The following PTPRD variants were observed in gnomAD, a reference collection of about 807,000 sequenced individuals.
PTPRD encodes the protein protein tyrosine phosphatase receptor type D.
Under a neutral mutation model 214.5 loss-of-function variants are expected in PTPRD, and 34 were observed. That is an observed-to-expected ratio of 0.16 (90% confidence interval 0.12 to 0.21). The LOEUF (loss-of-function observed/expected upper bound fraction) is 0.21, where lower values mean the gene tolerates loss of function less well. Among genes scored for constraint, PTPRD ranks in the 10% least tolerant of loss-of-function variants. The probability of loss-of-function intolerance (pLI) is 1.00; values close to 1 mark genes in which losing one functional copy is unlikely to be tolerated. For missense variants in PTPRD, 2,545 were observed against 2,398.7 expected (o/e 1.06, Z -1.27); for synonymous variants, 1,128 against 845.7 (o/e 1.33, Z -5.79).
At chr9:10,122,349 G>A (rs1290127191) in intron 3 of PTPRD, among the ~76,000 whole-genome samples, 1 of 151,992 alleles carries the variant, frequency 6.6e-6, no homozygotes, top group African/African-American at 2.4e-5. Context: ...TATCATATAT[G>A]AAATACCACA....
chr9:9,314,107 G>T (rs1330826634), intron 9 of PTPRD, among the ~76,000 whole-genome samples: 1 of 152,056 alleles, frequency 6.6e-6, no homozygotes, highest in Non-Finnish European at 1.5e-5. Flanking sequence ...ACCATTATTT[G>T]TTTGTTTGAA....
chr9:8,499,105 G>GT (rs1444816868), intron 25 of PTPRD, among the ~76,000 whole-genome samples: 1 of 151,922 alleles, frequency 6.6e-6, no homozygotes, highest in East Asian at 1.9e-4. Flanking sequence ...TAATATCATT[G>GT]TAACGATCTT....
chr9:10,412,627 CACACAA>C (rs1248085129), intron 2 of PTPRD, among the ~76,000 whole-genome samples: 3 of 42,784 alleles, frequency 7.0e-5, no homozygotes, highest in African/African-American at 1.1e-4. Context: ...CGCACACACA[CACACAA>C]ACACACACAC....
intron 7 of PTPRD, among the ~76,000 whole-genome samples, chr9:9,607,272 C>G (rs1302191349): frequency 6.6e-6 from 1 of 152,042 alleles, no homozygotes; most frequent in Non-Finnish European, 1.5e-5. Flanking sequence ...GATTACTGGC[C>G]ATTTCTGTTT....
At chr9:9,153,404 T>C (rs115313105) in intron 10 of PTPRD, among the ~76,000 whole-genome samples, 1 of 152,166 alleles carries the variant, frequency 6.6e-6, no homozygotes, top group East Asian at 1.9e-4. Context: ...AGGATGTATG[T>C]TCTGAGAGTG....
In PTPRD at chr9:9,456,269, T is replaced by C. The variant is rs565603438; in HGVS notation, c.-236-58787A>G. On this transcript the variant is annotated intron_variant, in intron 8 of 45. Transcript: ENST00000381196. ...AAGGAGTTAGAGTGGACTGATCTGATTATTGAAAACTACAAACACAAACCC... is the reference window on the plus strand; with the variant it reads ...AAGGAGTTAGAGTGGACTGATCTGACTATTGAAAACTACAAACACAAACCC... Among the ~76,000 whole-genome samples the C allele has an allele frequency of 3.0e-4, 45 of 151,940 alleles. No homozygotes were observed. The South Asian group carries it at 9.1e-3, about 31-fold the overall frequency.
At chr9:8,572,161 A>T (rs1272560278) in intron 14 of PTPRD, among the ~76,000 whole-genome samples, 1 of 152,120 alleles carries the variant, frequency 6.6e-6, no homozygotes, top group Non-Finnish European at 1.5e-5. Flanking sequence ...GTGTCAGTTA[A>T]ACTGGACTGA....
intron 3 of PTPRD, among the ~76,000 whole-genome samples, chr9:10,303,532 G>C (rs2154409129): frequency 6.6e-6 from 1 of 151,860 alleles, no homozygotes; most frequent in African/African-American, 2.4e-5. Context: ...TAATAAAGAA[G>C]AAAAGAGAGA....
At chr9:8,337,222 G>A (rs1847818722) in intron 43 of PTPRD, among the ~76,000 whole-genome samples, 1 of 152,144 alleles carries the variant, frequency 6.6e-6, no homozygotes, top group Non-Finnish European at 1.5e-5. Flanking sequence ...TGATAGATTG[G>A]ATAAAGAAAA....
In PTPRD at chr9:9,716,057, T is replaced by C. The variant is rs181064053; in HGVS notation, c.-287+18476A>G. 9.3e-3 allele frequency among the ~76,000 whole-genome samples: 1,367 copies of C among 147,550 alleles called. 14 individuals carry two copies. The highest frequency in any genetic ancestry group is 0.021 in the Middle Eastern group (6 of 292). On this transcript the variant is annotated intron_variant, in intron 7 of 45. Coordinates refer to ENST00000381196, the MANE Select transcript of PTPRD (RefSeq NM_002839.4). ...TGTGATGTCCCCCTTCCTGTGTCCA[T>C]GTGATCTCATTGTTCAGTTCCCACC...
At chr9:9,869,991 T>A (rs2065018563) in intron 5 of PTPRD, among the ~76,000 whole-genome samples, 1 of 152,076 alleles carries the variant, frequency 6.6e-6, no homozygotes, top group Non-Finnish European at 1.5e-5. Flanking sequence ...TATACAAACA[T>A]AAAATATTTG....
At chr9:9,014,451 G>C (rs2099525892) in intron 11 of PTPRD, among the ~76,000 whole-genome samples, 1 of 152,012 alleles carries the variant, frequency 6.6e-6, no homozygotes, top group Non-Finnish European at 1.5e-5. Context: ...ACTAAATTCA[G>C]TTTTATAAAA....
chr9:9,327,718 A>G (rs1216443537), intron 9 of PTPRD, among the ~76,000 whole-genome samples: 1 of 152,108 alleles, frequency 6.6e-6, no homozygotes, highest in East Asian at 1.9e-4. Context: ...GAGCTCAAGA[A>G]TACTTCTATT....
chr9:8,338,056 G>C (rs1023463171), intron 43 of PTPRD, among the ~76,000 whole-genome samples: 6 of 152,024 alleles, frequency 3.9e-5, no homozygotes, highest in Non-Finnish European at 4.4e-5. Flanking sequence ...CCAGGGCCAG[G>C]CTTTGGGGAT....
chr9:10,055,367 C>A (rs984640228), intron 3 of PTPRD, among the ~76,000 whole-genome samples: 1 of 152,052 alleles, frequency 6.6e-6, no homozygotes, highest in Non-Finnish European at 1.5e-5. Context: ...TGAATACTTA[C>A]GAATAGGAGA....
chr9:8,821,915 G>A (rs1030050455), intron 11 of PTPRD, among the ~76,000 whole-genome samples: 2 of 152,138 alleles, frequency 1.3e-5, no homozygotes, highest in African/African-American at 4.8e-5. Flanking sequence ...CACCCACCTC[G>A]GTCTCTCAAA....
intron 7 of PTPRD, among the ~76,000 whole-genome samples, chr9:9,651,828 T>G (rs867603986): frequency 3.7e-5 from 4 of 109,140 alleles, no homozygotes; most frequent in Middle Eastern, 3.9e-3. Context: ...CAAGGTTTGT[T>G]TTTTTTTTTT....
chr9:8,914,181 T>C (rs1297054471), intron 11 of PTPRD, among the ~76,000 whole-genome samples: 1 of 152,138 alleles, frequency 6.6e-6, no homozygotes, highest in Non-Finnish European at 1.5e-5. Flanking sequence ...TATGACAAAA[T>C]TGTTTTCAAT....
At chr9:10,484,999 G>C (rs1022849664) in intron 2 of PTPRD, among the ~76,000 whole-genome samples, 1 of 151,326 alleles carries the variant, frequency 6.6e-6, no homozygotes, top group African/African-American at 2.4e-5. Context: ...TACGGTCTTA[G>C]ATTTAAGTGT....
Sources: allele counts gnomAD v4.1 joint callset (sites outside exome capture counted in the v4.1 genomes callset), GRCh38; gene constraint gnomAD v4.1.1; transcripts MANE v1.5; gene names NCBI Gene and HGNC (gene_info 2026-07-23, HGNC 2026-07-21).